COL17A1: variants seen among roughly 807,000 people sequenced by gnomAD.
The protein encoded by COL17A1 is collagen alpha-1(XVII) chain.
A neutral mutation model predicts 218.4 loss-of-function variants in COL17A1; 181 were observed. The observed-to-expected ratio is 0.83, with a 90% confidence interval of 0.73 to 0.94. The LOEUF (loss-of-function observed/expected upper bound fraction) is 0.94, where lower values mean the gene tolerates loss of function less well. Among genes scored for constraint, COL17A1 ranks in the 40% least tolerant of loss-of-function variants. The pLI is 0.00. For missense variants in COL17A1, 1,924 were observed against 1,945.9 expected, an observed-to-expected ratio of 0.99 and a Z score of 0.21; for synonymous variants, 721 against 731.0, an observed-to-expected ratio of 0.99 and a Z score of 0.22.
Position 104,037,730 on chromosome 10 carries a change from TG to T in COL17A1, c.3113del (p.Pro1038GlnfsTer28). The T allele has an allele frequency of 6.2e-7, 1 of 1,614,150 alleles. No individual in the cohort carries two copies. The highest frequency in any genetic ancestry group is 1.1e-5 in the South Asian group (1 of 91,092). ...CAGGTCCTGGGGGACCAGGTGGGCC[TG>T]GGGGACCCTGAACTCCGGATAGGTA... ...RSYLSGVQGP[P>X]GPPGPPGPVT... On this transcript the variant is annotated frameshift_variant, in exon 46 of 56. Transcript: ENST00000648076. LOFTEE classifies it high-confidence loss of function.
In COL17A1 at chr10:104,038,519, G is replaced by A. The variant is rs766014347; in HGVS notation, c.2957C>T (p.Ser986Leu). The part of the protein sequence containing the change: ...IPSGPSEGGS[S>L]STMYVSGPPG... ...CGGGCCTGACACGTACATGGTACTTGATGATCCCCCTGCAGCAAAGAGAAA... is the reference window on the plus strand; with the variant it reads ...CGGGCCTGACACGTACATGGTACTTAATGATCCCCCTGCAGCAAAGAGAAA... The change falls in exon 45 of 56, where the codon TCA becomes TTA. Residue 986 changes from serine to leucine, a missense_variant. Coordinates refer to ENST00000648076, the MANE Select transcript of COL17A1 (RefSeq NM_000494.4). 2.3e-5 allele frequency: 37 copies of A among 1,612,538 alleles called. No individual in the cohort carries two copies. The highest frequency in any genetic ancestry group is 3.1e-5 in the Non-Finnish European group (37 of 1,179,994).
intron 2 of COL17A1, among the ~76,000 whole-genome samples, chr10:104,080,023 A>C (rs2086751089): frequency 6.6e-6 from 1 of 152,092 alleles, no homozygotes; most frequent in Non-Finnish European, 1.5e-5. Flanking sequence ...CTCTCATTGT[A>C]TAGACCTTTG....
intron 15 of COL17A1, 126 bp from the exon 16 acceptor site, chr10:104,058,316 A>T (rs1169921435): frequency 4.3e-6 from 5 of 1,157,142 alleles, no homozygotes; most frequent in Admixed American, 2.0e-5. Flanking sequence ...GTGCAGGAAC[A>T]TCCAGCATCT....
At chr10:104,076,628 G>A (rs1326208048) in intron 4 of COL17A1, among the ~76,000 whole-genome samples, 199 bp from the exon 5 acceptor site, 1 of 152,152 alleles carries the variant, frequency 6.6e-6, no homozygotes, top group African/African-American at 2.4e-5. Flanking sequence ...TCCTTCCTGT[G>A]CATGGTTACC....
In COL17A1 at chr10:104,055,888, C is replaced by T. The variant is rs143399084; in HGVS notation, c.1581G>A (p.Met527Ile). ...CCAGGTCTGCTCCCGCCGCGGGTGC[C>T]ATGCCCTGGAGGCGGTCCTTTTCTA... ...DRIEKDRLQG[M>I]APAAGADLDK... The change falls in exon 18 of 56, where the codon ATG becomes ATA. Residue 527 changes from methionine to isoleucine, a missense_variant. Transcript: ENST00000648076. The T allele has an allele frequency of 1.9e-4, 311 of 1,614,234 alleles. 1 individual carries two copies. In the African/African-American group the frequency reaches 3.7e-3, roughly 19 times the overall value.
chr10:104,072,036 G>A lies in COL17A1; in HGVS notation c.459C>T (p.Thr153=). 1 of 1,614,052 alleles carries A rather than the reference G, an allele frequency of 6.2e-7. No individual in the cohort carries two copies. Residue 153 remains threonine (T), a synonymous_variant, in exon 8 of 56, where the codon ACC becomes ACT. Coordinates refer to ENST00000648076, the MANE Select transcript of COL17A1 (RefSeq NM_000494.4). ...RVRLQSASPS[T]RWTELDDVKR... is the part of the protein sequence containing the mutation. The stretch of plus-strand genomic sequence containing the variant: ...AGCAAGATCATGACCACTTACATCG[G>A]GTGGATGGGGACGCACTCTGCAGTC...
intron 48 of COL17A1, among the ~76,000 whole-genome samples, chr10:104,036,132 A>AGTGTGAGTATGGGTG: frequency 8.1e-3 from 2 of 246 alleles, no homozygotes; most frequent in Admixed American, 0.038. Context: ...GTGTGTGTAT[A>AGTGTGAGTATGGGTG]TGTGTGTGTA....
intron 6 of COL17A1, among the ~76,000 whole-genome samples, chr10:104,073,779 C>T (rs1049876722): frequency 2.0e-5 from 3 of 152,154 alleles, no homozygotes; most frequent in Admixed American, 6.5e-5. Flanking sequence ...ACGCAGTTCC[C>T]TTGAAAGCAA....
chr10:104,048,044 T>C, intron 30 of COL17A1, 25 bp downstream of exon 30: 1 of 1,614,056 alleles, frequency 6.2e-7, no homozygotes, highest in Non-Finnish European at 8.5e-7. Flanking sequence ...GGAGTGAGGC[T>C]GGGGGCAGCA....
At chr10:104,056,670 C>G (rs937084844) in intron 17 of COL17A1, among the ~76,000 whole-genome samples, 10 of 152,154 alleles carry the variant, frequency 6.6e-5, no homozygotes, top group Non-Finnish European at 1.5e-4. Flanking sequence ...CTAAGAAAGT[C>G]CTGACCTTGT....
In COL17A1 at chr10:104,034,773, C is replaced by A; in HGVS notation, c.3620-6G>T. On this transcript the variant is annotated splice_region_variant and splice_polypyrimidine_tract_variant and intron_variant, in intron 50 of 55. Transcript: ENST00000648076. ...GATGAATGACAAGCCGGCAGCTGGG[C>A]AGAAGGAAGAGAAAGAAAGGTCGGG... The A allele has an allele frequency of 6.2e-7, 1 of 1,611,752 alleles. No homozygotes were observed. Among genetic ancestry groups the A allele is most frequent in the Non-Finnish European group, 8.5e-7 (1 of 1,179,568 alleles).
In COL17A1 at chr10:104,032,259, TCTC is replaced by T. The variant is rs780529528; in HGVS notation, c.4467_4469del (p.Arg1491del). On this transcript the variant is annotated inframe_deletion, in exon 56 of 56. Transcript: ENST00000648076. Reference sequence around the variant, plus strand: ...CTCACGGCTTGACAGCAATACTTCTTCTCCTTCTCCGCCCAGCATAGACTTGGT... The same window carrying T: ...CTCACGGCTTGACAGCAATACTTCTTCTTCTCCGCCCAGCATAGACTTGGT... The T allele has an allele frequency of 3.1e-6, 5 of 1,613,982 alleles. No homozygotes were observed. The highest frequency in any genetic ancestry group is 2.2e-5 in the East Asian group (1 of 44,878).
intron 24 of COL17A1, 95 bp downstream of exon 24, chr10:104,052,060 G>T: frequency 6.5e-7 from 1 of 1,545,966 alleles, no homozygotes; most frequent in Non-Finnish European, 8.9e-7. Flanking sequence ...GGGGGTTAGG[G>T]CTGTCTGGGG....
chr10:104,043,791 C>T (rs780143751), intron 34 of COL17A1, 34 bp downstream of exon 34: 146 of 1,613,122 alleles, frequency 9.1e-5, no homozygotes, highest in Non-Finnish European at 1.2e-4. Flanking sequence ...ATAAGAAAGA[C>T]ACAGAAAGGA....
chr10:104,061,483 A>G lies in COL17A1; in HGVS notation c.911-10T>C, dbSNP rs747033385. 11 of 1,612,414 alleles carry G rather than the reference A, an allele frequency of 6.8e-6. No homozygotes were observed. Among genetic ancestry groups the G allele is most frequent in the Non-Finnish European group, 9.3e-6 (11 of 1,179,384 alleles). On this transcript the variant is annotated splice_polypyrimidine_tract_variant and intron_variant, in intron 12 of 55. Transcript: ENST00000648076. Reference sequence around the variant, plus strand: ...TTCTTCACCCCATATGCTGCAAGAAAGGAAGCTGGGTCAGCATGGGAGGGT... The same window carrying G: ...TTCTTCACCCCATATGCTGCAAGAAGGGAAGCTGGGTCAGCATGGGAGGGT...
rs1033164661 is a variant in COL17A1, at chr10:104,050,161, T to A, written c.2129-37A>T. 11 of 1,612,844 alleles carry A rather than the reference T, an allele frequency of 6.8e-6. No individual in the cohort carries two copies. The Admixed American group carries it at 1.3e-4, about 20-fold the overall frequency. On this transcript the variant is annotated intron_variant, in intron 27 of 55. Coordinates refer to ENST00000648076, the MANE Select transcript of COL17A1 (RefSeq NM_000494.4). ...AAGGGGGAGGTGGAAAAAGCCACAG[T>A]TGTGAGCAAGGAAAACACTCTCACC...
intron 48 of COL17A1, among the ~76,000 whole-genome samples, chr10:104,036,079 T>TGTGAGTATGGATGTGTGTATGG (rs1460966984): frequency 2.9e-5 from 3 of 105,018 alleles, no homozygotes; most frequent in Non-Finnish European, 4.0e-5. Context: ...TGTATGGGAG[T>TGTGAGTATGGATGTGTGTATGG]GTGTATGGGA....
At chr10:104,050,712 G>A in intron 26 of COL17A1, 56 bp from the exon 27 acceptor site, 1 of 1,614,160 alleles carries the variant, frequency 6.2e-7, no homozygotes, top group Non-Finnish European at 8.5e-7. Context: ...CAACCAGGAA[G>A]GGGCAATGTC....
At chr10:104,069,951 T>G (rs926984126) in intron 9 of COL17A1, among the ~76,000 whole-genome samples, 1 of 152,086 alleles carries the variant, frequency 6.6e-6, no homozygotes, top group Non-Finnish European at 1.5e-5. Context: ...AAATGGGAAG[T>G]GTATAAATCA....
Sources: gnomAD v4.1 joint callset for allele counts (sites outside exome capture counted in the v4.1 genomes callset) on GRCh38, gnomAD v4.1.1 for gene constraint, MANE v1.5 for transcripts, NCBI Gene and HGNC (gene_info 2026-07-23, HGNC 2026-07-21) for gene names.